HDC: variants seen among roughly 807,000 people sequenced by gnomAD.
HDC encodes histidine decarboxylase.
In HDC, 27 loss-of-function variants were observed where a neutral mutation model predicts 64.4. The ratio of observed to expected loss-of-function variants is 0.42; its 90% CI spans 0.31 to 0.58. The LOEUF is 0.58. Among genes scored for constraint, HDC ranks in the 20% least tolerant of loss-of-function variants. HDC has a pLI of 0.16. For missense variants in HDC, 711 were observed against 833.9 expected, an observed-to-expected ratio of 0.85 and a Z score of 1.81; for synonymous variants, 305 against 314.2, an observed-to-expected ratio of 0.97 and a Z score of 0.31.
Position 50,248,382 on chromosome 15 carries a change from A to G in HDC, c.1042-39T>C. On this transcript the variant is annotated intron_variant, in intron 9 of 11. Coordinates refer to ENST00000267845, the MANE Select transcript of HDC (RefSeq NM_002112.4). The surrounding 1 kb of genome is among the most constrained non-coding windows in gnomAD (Gnocchi z 4.3). ...AACACAGTGCCCAAGGTTAGAGACA[A>G]GGGTGCCCCACTCCCTCGGGCATTT... 6.9e-7 allele frequency: 1 copy of G among 1,446,380 alleles called. No homozygotes were observed. Among genetic ancestry groups the G allele is most frequent in the Non-Finnish European group, 9.7e-7 (1 of 1,028,734 alleles). The allele number at this position is 1,446,380 out of a possible 1,614,324, so 89.6% of individuals were successfully genotyped here. A position where few individuals can be genotyped will look rare whatever the true frequency, so the allele number is the denominator to read the frequency against.
At position 50,252,752 on chromosome 15, in the gene HDC, G is replaced by A; in HGVS notation, c.810C>T (p.Leu270=). ...GPICAREGLW[L]HIDAAYAGTA... ...TGCCTGCATAAGCAGCATCGATGTG[G>A]AGCCACAGCCCCTCACGGGCACCTG... The change falls in exon 8 of 12, where the codon CTC becomes CTT. Residue 270 remains leucine, a synonymous_variant. Coordinates refer to ENST00000267845, the MANE Select transcript of HDC (RefSeq NM_002112.4). The A allele has an allele frequency of 1.2e-6, 2 of 1,613,844 alleles. No homozygotes were observed. Among genetic ancestry groups the A allele is most frequent in the South Asian group, 1.1e-5 (1 of 91,004 alleles).
intron 2 of HDC, among the ~76,000 whole-genome samples, chr15:50,261,491 G>T (rs2045701567): frequency 6.6e-6 from 1 of 152,048 alleles, no homozygotes; most frequent in Admixed American, 6.6e-5. Context: ...GTATGAAATT[G>T]CCCTCATGGC....
chr15:50,253,425 A>G, intron 7 of HDC, 175 bp downstream of exon 7: 1 of 694,992 alleles, frequency 1.4e-6, no homozygotes, highest in Non-Finnish European at 2.6e-6. Context: ...TGGGAAAGGC[A>G]ATGTCCAGGG....
rs1431439935 is a variant in HDC at position 50,254,238 on chromosome 15, G to T, written c.612C>A (p.Ser204=). The part of the protein sequence containing the change: ...HSSVEKAGLI[S]LVKMKFLPVD... ...CAGGCAGAAATTTCATCTTCACAAG[G>T]GAAATCAAACCAGCCTTTTCCACAG... Residue 204 remains serine, a synonymous_variant, in exon 6 of 12, where the codon TCC becomes TCA. Coordinates refer to ENST00000267845, the MANE Select transcript of HDC (RefSeq NM_002112.4). The T allele has an allele frequency of 9.9e-6, 16 of 1,614,152 alleles. No individual in the cohort carries two copies. The highest frequency in any genetic ancestry group is 1.4e-5 in the Non-Finnish European group (16 of 1,180,032).
intron 4 of HDC, among the ~76,000 whole-genome samples, chr15:50,255,613 T>G (rs1447095285): frequency 2.6e-5 from 4 of 152,016 alleles, no homozygotes; most frequent in Non-Finnish European, 5.9e-5. Flanking sequence ...CTGGACAACA[T>G]AGTGAGACCC....
At chr15:50,254,453 G>GA in intron 5 of HDC, 77 bp downstream of exon 5, 1 of 1,604,254 alleles carries the variant, frequency 6.2e-7, no homozygotes, top group Non-Finnish European at 8.5e-7. Context: ...CTCACGTCTA[G>GA]AAAAAAATTG....
chr15:50,263,391 A>G lies in HDC; in HGVS notation c.48T>C (p.Asp16=), dbSNP rs1488275069. Residue 16 remains aspartate (D), a synonymous_variant, in exon 2 of 12, where the codon GAT becomes GAC. Transcript: ENST00000267845. The part of the protein sequence containing the change: ...EYRERGREMV[D]YICQYLSTVR... ...CAGTGCTCAGGTACTGGCAGATGTAATCCACCATCTCTCTCCCTAGAAGTG... is the reference window on the plus strand; with the variant it reads ...CAGTGCTCAGGTACTGGCAGATGTAGTCCACCATCTCTCTCCCTAGAAGTG... 2 of 1,614,150 alleles carry G rather than the reference A, an allele frequency of 1.2e-6. No individual in the cohort carries two copies. The highest frequency in any genetic ancestry group is 2.2e-5 in the East Asian group (1 of 44,878).
chr15:50,257,358 G>A, intron 4 of HDC, 67 bp downstream of exon 4: 1 of 1,605,522 alleles, frequency 6.2e-7, no homozygotes, highest in Non-Finnish European at 8.5e-7. Flanking sequence ...GAATTGCCAG[G>A]TTAGGGTTTG....
chr15:50,252,593 G>A lies in HDC; in HGVS notation c.950+19C>T, dbSNP rs762858668. ...GGCAAGGCGTTCCTGCGTGCTCGGA[G>A]CTGGGCTGCTACACTCACCAGAACC... On this transcript the variant is annotated intron_variant, in intron 8 of 11. Coordinates refer to ENST00000267845, the MANE Select transcript of HDC (RefSeq NM_002112.4). 1.2e-6 allele frequency: 2 copies of A among 1,614,190 alleles called. No individual in the cohort carries two copies. The highest frequency in any genetic ancestry group is 4.5e-5 in the East Asian group (2 of 44,888).
chr15:50,264,980 G>A (rs2045748904), intron 1 of HDC, among the ~76,000 whole-genome samples: 2 of 152,180 alleles, frequency 1.3e-5, no homozygotes, highest in African/African-American at 4.8e-5. Context: ...ATAAGCTAAC[G>A]CACACTAATT....
Position 50,263,300 on chromosome 15 carries a change from C to T in HDC, c.139G>A (p.Ala47Thr). 1 of 1,614,156 alleles carries T rather than the reference C, an allele frequency of 6.2e-7. No individual in the cohort carries two copies. Among genetic ancestry groups the T allele is most frequent in the Non-Finnish European group, 8.5e-7 (1 of 1,180,026 alleles). ...TCCCAGCTGTCGGGGTCCTCAGGAG[C>T]ACTCTCAGGCAGCTGGGCTCGCAGG... ...GYLRAQLPESAPEDPDSWDSI... is the reference protein window; with the variant it reads ...GYLRAQLPESTPEDPDSWDSI... The change falls in exon 2 of 12, where the codon GCT becomes ACT. Residue 47 changes from alanine (A) to threonine (T), a missense_variant. Coordinates refer to ENST00000267845, the MANE Select transcript of HDC (RefSeq NM_002112.4).
At chr15:50,264,328 A>G (rs934885874) in intron 1 of HDC, among the ~76,000 whole-genome samples, 5 of 152,132 alleles carry the variant, frequency 3.3e-5, no homozygotes, top group African/African-American at 1.2e-4. Flanking sequence ...AGAATCCCTA[A>G]AGCACAACCA....
Position 50,254,254 on chromosome 15 carries a change from T to A in HDC, c.596A>T (p.Lys199Met), listed in dbSNP as rs762670331. The change falls in exon 6 of 12, where the codon AAG (lysine) becomes ATG (methionine). Residue 199 changes from lysine (K) to methionine (M), a missense_variant. Transcript: ENST00000267845. ...ASDQAHSSVE[K>M]AGLISLVKMK... The stretch of plus-strand genomic sequence containing the variant: ...CTTCACAAGGGAAATCAAACCAGCC[T>A]TTTCCACAGAGGAGTGAGCCTAGAA... The A allele has an allele frequency of 6.2e-7, 1 of 1,614,142 alleles. No homozygotes were observed. The highest frequency in any genetic ancestry group is 8.5e-7 in the Non-Finnish European group (1 of 1,180,022).
rs201442392 is a variant in HDC at position 50,265,578 on chromosome 15, A to T, written c.31+15T>A. On this transcript the variant is annotated intron_variant, in intron 1 of 11. Transcript: ENST00000267845. The stretch of plus-strand genomic sequence containing the variant: ...GTAGCAGCAGGGAAGAGGGCCAGGG[A>T]TGCCCGTTGCTCACCTCTCTCTCTG... 6.2e-7 allele frequency: 1 copy of T among 1,613,076 alleles called. No individual in the cohort carries two copies. The highest frequency in any genetic ancestry group is 8.5e-7 in the Non-Finnish European group (1 of 1,179,094).
rs764429358 is a variant in HDC, at chr15:50,243,134, T to C, written c.1242+9A>G. On this transcript the variant is annotated intron_variant, in intron 11 of 11. Transcript: ENST00000267845. Reference sequence around the variant, plus strand: ...ATCATTCACAGAGGGGCTTGGAAGATGGTATTACCTTTAGACGAAAAACCA... The same window carrying C: ...ATCATTCACAGAGGGGCTTGGAAGACGGTATTACCTTTAGACGAAAAACCA... 10 of 1,612,598 alleles carry C rather than the reference T, an allele frequency of 6.2e-6. No individual in the cohort carries two copies. In the South Asian group the frequency reaches 8.8e-5, roughly 14 times the overall value.
intron 2 of HDC, among the ~76,000 whole-genome samples, chr15:50,262,334 G>A (rs1316947561): frequency 6.6e-6 from 1 of 152,204 alleles, no homozygotes; most frequent in African/African-American, 2.4e-5. Context: ...TAACTTCTCT[G>A]AGCATCAGCA....
chr15:50,251,396 T>A (rs968153157), intron 9 of HDC, among the ~76,000 whole-genome samples: 5 of 152,212 alleles, frequency 3.3e-5, no homozygotes, highest in African/African-American at 9.6e-5. Context: ...CAATACCCTA[T>A]GAATCAATGC....
intron 11 of HDC, 41 bp from the exon 12 acceptor site, chr15:50,243,047 C>T (rs369380521): frequency 6.2e-7 from 1 of 1,614,084 alleles, no homozygotes. Context: ...CATCGCACCC[C>T]CTGTCAGCAT....
intron 2 of HDC, among the ~76,000 whole-genome samples, chr15:50,259,629 CAT>C (rs1269359023): frequency 2.4e-4 from 36 of 152,318 alleles, no homozygotes; most frequent in Admixed American, 1.9e-3. Flanking sequence ...TCTATAAAGA[CAT>C]GACCTTCCAA....
Sources: allele counts gnomAD v4.1 joint callset (sites outside exome capture counted in the v4.1 genomes callset), GRCh38; gene constraint gnomAD v4.1.1; non-coding constraint Gnocchi (gnomAD v3.1); transcripts MANE v1.5; gene names NCBI Gene and HGNC (gene_info 2026-07-23, HGNC 2026-07-21).